The following HERC1 variants were observed in gnomAD, a reference collection of about 807,000 sequenced individuals.
HERC1 encodes HECT and RLD domain containing E3 ubiquitin protein ligase family member 1.
HERC1 carries 160 observed loss-of-function variants against 554.3 expected under a neutral mutation model. That is an observed-to-expected ratio of 0.29 (90% CI 0.25 to 0.33). The LOEUF is 0.33. HERC1 is among the 10% of genes least tolerant of loss of function. The pLI, the probability that HERC1 is intolerant of heterozygous loss-of-function variation, is 1.00. For synonymous variants in HERC1, 2,175 were observed against 2,131.7 expected (o/e 1.02, Z -0.56); for missense variants, 4,919 against 5,918.5 (o/e 0.83, Z 5.54).
Position 63,718,856 on chromosome 15 carries a change from T to G in HERC1, c.3784A>C (p.Thr1262Pro). 2 of 1,612,728 alleles carry G rather than the reference T, an allele frequency of 1.2e-6. No homozygotes were observed. The highest frequency in any genetic ancestry group is 1.7e-6 in the Non-Finnish European group (2 of 1,178,836). Residue 1262 changes from threonine (T) to proline (P), a missense_variant, in exon 20 of 78, where the codon ACT becomes CCT. By Grantham distance (38) the Thr-to-Pro change is conservative. This residue lies in a region of HERC1 where 1,121 missense variants were observed against 1,244.0 expected (regional missense o/e 0.90). Transcript: ENST00000443617. The surrounding 1 kb of genome is among the most constrained non-coding windows in gnomAD (Gnocchi z 4.2). ...ATLSNESLLD[T>P]VSRFVLAALL... ...GCTGCAAGAACAAATCTAGACACAG[T>G]GTCCAAGAGTGACTCATTACTTAAA...
At position 63,652,528 on chromosome 15, in the gene HERC1, A is replaced by C. The variant is rs1190884835; in HGVS notation, c.10304T>G (p.Val3435Gly). The stretch of plus-strand genomic sequence containing the variant: ...CAAAAGACCTTTTTTATTACACCAA[A>C]CACATGTCATTACCTAGAAAAGTTG... ...EAHQNRVMTCVWCNKKGLLAT... is the reference protein window; with the variant it reads ...EAHQNRVMTCGWCNKKGLLAT... Residue 3435 changes from valine (V) to glycine (G), a missense_variant, in exon 52 of 78, where the codon GTT becomes GGT. Val to Gly is a moderately radical substitution (Grantham distance 109). Around this residue, in one of 11 missense-constraint regions of HERC1, gnomAD observed 1,963 missense variants for 2,228.6 expected, o/e 0.88. Transcript: ENST00000443617. The C allele has an allele frequency of 6.3e-7, 1 of 1,594,424 alleles. No individual in the cohort carries two copies. Among genetic ancestry groups the C allele is most frequent in the East Asian group, 2.3e-5 (1 of 44,432 alleles).
intron 1 of HERC1, among the ~76,000 whole-genome samples, chr15:63,831,611 T>C (rs2078157294): frequency 6.6e-6 from 1 of 152,314 alleles, no homozygotes. Flanking sequence ...TTAAAAATTT[T>C]AAAAGGTCAG....
intron 1 of HERC1, among the ~76,000 whole-genome samples, chr15:63,813,169 A>C (rs1653309576): frequency 6.6e-6 from 1 of 152,242 alleles, no homozygotes; most frequent in Admixed American, 6.5e-5. Context: ...AAATTATTAG[A>C]TATTGTCAAT....
intron 66 of HERC1, among the ~76,000 whole-genome samples, chr15:63,634,421 G>A (rs2068693011): frequency 6.6e-6 from 1 of 152,166 alleles, no homozygotes; most frequent in South Asian, 2.1e-4. Context: ...TACCAGACAG[G>A]AGCTACTAGT....
intron 27 of HERC1, among the ~76,000 whole-genome samples, 155 bp downstream of exon 27, chr15:63,695,969 G>A (rs537742521): frequency 7.2e-5 from 11 of 152,210 alleles, no homozygotes; most frequent in Middle Eastern, 3.4e-3. Context: ...AATCTCTACT[G>A]CATTATTTAG....
intron 1 of HERC1, among the ~76,000 whole-genome samples, chr15:63,800,354 G>A (rs894669560): frequency 1.1e-4 from 16 of 152,210 alleles, no homozygotes; most frequent in East Asian, 5.8e-4. Context: ...TTCTATAGAC[G>A]CCTGAGATCC....
intron 55 of HERC1, among the ~76,000 whole-genome samples, chr15:63,647,670 TA>T (rs2069429314): frequency 1.3e-5 from 2 of 152,184 alleles, no homozygotes; most frequent in South Asian, 4.1e-4. Flanking sequence ...TATGCAGCCA[TA>T]AAAAGAATGA....
chr15:63,674,917 T>C lies in HERC1; in HGVS notation c.7271A>G (p.Glu2424Gly), dbSNP rs780565733. Residue 2424 changes from glutamate (E) to glycine (G), a missense_variant, in exon 38 of 78, where the codon GAG becomes GGG. Glu to Gly is a moderately conservative substitution (Grantham distance 98). Around this residue, in one of 11 missense-constraint regions of HERC1, gnomAD observed 1,963 missense variants for 2,228.6 expected, o/e 0.88. Transcript: ENST00000443617. Reference protein sequence around the residue: ...HEKKHRHESEEKGDVEQKPES... With the variant: ...HEKKHRHESEGKGDVEQKPES... ...AGGTTTCTGCTCAACATCCCCTTTCTCCTCGGATTCATGTCGGTGTTTCTT... is the reference window on the plus strand; with the variant it reads ...AGGTTTCTGCTCAACATCCCCTTTCCCCTCGGATTCATGTCGGTGTTTCTT... 1 of 1,614,046 alleles carries C rather than the reference T, an allele frequency of 6.2e-7. No homozygotes were observed. Among genetic ancestry groups the C allele is most frequent in the South Asian group, 1.1e-5 (1 of 91,086 alleles).
intron 31 of HERC1, among the ~76,000 whole-genome samples, chr15:63,691,145 C>T (rs2072083443): frequency 2.0e-5 from 3 of 152,078 alleles, no homozygotes; most frequent in African/African-American, 4.8e-5. Flanking sequence ...TAGGGTTAAC[C>T]GGGAGTAAAC....
intron 25 of HERC1, among the ~76,000 whole-genome samples, chr15:63,706,574 C>T (rs925168848): frequency 6.6e-6 from 1 of 151,990 alleles, no homozygotes; most frequent in African/African-American, 2.4e-5. Context: ...ATTTTTAAAG[C>T]GTACATATTT....
chr15:63,654,141 T>C lies in HERC1; in HGVS notation c.10268A>G (p.Lys3423Arg). The change falls in exon 51 of 78, where the codon AAA becomes AGA. Residue 3423 changes from lysine to arginine, a missense_variant. Around this residue, in one of 11 missense-constraint regions of HERC1, gnomAD observed 1,963 missense variants for 2,228.6 expected, o/e 0.88. Coordinates refer to ENST00000443617, the MANE Select transcript of HERC1 (RefSeq NM_003922.4). ...TACTCTGTTCTGATGAGCCTCCAAT[T>C]TGATAAAGGAGCATTTTCTAAGATC... ...GGDLRKCSFI[K>R]LEAHQNRVMT... The C allele has an allele frequency of 6.2e-7, 1 of 1,613,726 alleles. No individual in the cohort carries two copies. The highest frequency in any genetic ancestry group is 8.5e-7 in the Non-Finnish European group (1 of 1,179,620).
At chr15:63,640,008 T>A in intron 61 of HERC1, 144 bp downstream of exon 61, 2 of 785,752 alleles carry the variant, frequency 2.5e-6, no homozygotes, top group South Asian at 1.9e-5. Flanking sequence ...AAAGTGACTA[T>A]CTGAAAGAAA....
rs746019323 is a variant in HERC1 at position 63,640,415 on chromosome 15, G to A, written c.11638C>T (p.His3880Tyr). The A allele has an allele frequency of 3.5e-5, 56 of 1,613,572 alleles. No homozygotes were observed. Among genetic ancestry groups the A allele is most frequent in the Non-Finnish European group, 4.6e-5 (54 of 1,179,708 alleles). The part of the protein sequence containing the change: ...PHVVCGDQLV[H>Y]SPYMQCLASL... ...GCCAAGCATTGCATATAGGGGCTAT[G>A]AACAAGTTGGTCACCACAAACCACA... Residue 3880 changes from histidine (H) to tyrosine (Y), a missense_variant, in exon 61 of 78, where the codon CAT becomes TAT. This residue lies in a region of HERC1 where 1,963 missense variants were observed against 2,228.6 expected (regional missense o/e 0.88). Transcript: ENST00000443617.
Position 63,612,513 on chromosome 15 carries a change from G to T in HERC1, c.14138C>A (p.Pro4713Gln). 1.2e-6 allele frequency: 2 copies of T among 1,613,986 alleles called. No individual in the cohort carries two copies. Among genetic ancestry groups the T allele is most frequent in the Non-Finnish European group, 1.7e-6 (2 of 1,179,886 alleles). ...REGMSWIVPV[P>Q]LLSLLTAKQL... ...TTTTGCTGTGAGGAGGGACAGCAGCGGCACAGGAACAATCCAGGACATCCC... is the reference window on the plus strand; with the variant it reads ...TTTTGCTGTGAGGAGGGACAGCAGCTGCACAGGAACAATCCAGGACATCCC... Residue 4713 changes from proline (P) to glutamine (Q), a missense_variant, in exon 77 of 78, where the codon CCG becomes CAG. By Grantham distance (76) the Pro-to-Gln change is moderately conservative. This residue lies in a region of HERC1 where 284 missense variants were observed against 294.1 expected (regional missense o/e 0.97). Transcript: ENST00000443617. This position sits in a 1 kb window ranked among gnomAD's most constrained non-coding sequence, Gnocchi z 5.0.
At chr15:63,707,502 C>T (rs1487761064) in intron 24 of HERC1, among the ~76,000 whole-genome samples, 1 of 152,092 alleles carries the variant, frequency 6.6e-6, no homozygotes, top group Admixed American at 6.5e-5. Context: ...CCTACTTGGC[C>T]TATATGTACA....
intron 40 of HERC1, among the ~76,000 whole-genome samples, chr15:63,669,198 G>C (rs1336760634): frequency 1.3e-5 from 2 of 152,150 alleles, no homozygotes; most frequent in African/African-American, 4.8e-5. Flanking sequence ...AGGCAAATTA[G>C]AAAGTACTTT....
At position 63,697,704 on chromosome 15, in the gene HERC1, C is replaced by A. The variant is rs568521170; in HGVS notation, c.4905+1024G>T. Reference sequence around the variant, plus strand: ...TCCTGATCTCAGGTGATCCACCCACCTTGGCCTCCCAAAGTGCTGGGATTA... The same window carrying A: ...TCCTGATCTCAGGTGATCCACCCACATTGGCCTCCCAAAGTGCTGGGATTA... On this transcript the variant is annotated intron_variant, in intron 26 of 77. Coordinates refer to ENST00000443617, the MANE Select transcript of HERC1 (RefSeq NM_003922.4). Among the ~76,000 whole-genome samples the A allele has an allele frequency of 1.3e-3, 193 of 152,290 alleles. 1 individual carries two copies. The highest frequency in any genetic ancestry group is 6.4e-3 in the South Asian group (31 of 4,828).
chr15:63,616,831 T>C, intron 74 of HERC1, 149 bp from the exon 75 acceptor site: 1 of 712,162 alleles, frequency 1.4e-6, no homozygotes, highest in Non-Finnish European at 2.3e-6. Context: ...TAAATAAAAC[T>C]AAAAATTCAG....
intron 34 of HERC1, among the ~76,000 whole-genome samples, chr15:63,681,971 G>A: frequency 6.6e-6 from 1 of 152,190 alleles, no homozygotes; most frequent in Non-Finnish European, 1.5e-5. Flanking sequence ...GTATCAACGT[G>A]TGGAGTCTGA....
Sources: gnomAD v4.1 joint callset for allele counts (sites outside exome capture counted in the v4.1 genomes callset) on GRCh38, gnomAD v4.1.1 for gene constraint, gnomAD v4.1.1 regional missense constraint, Gnocchi (gnomAD v3.1) non-coding constraint, MANE v1.5 for transcripts, NCBI Gene and HGNC (gene_info 2026-07-23, HGNC 2026-07-21) for gene names.